The following LRRC8D variants were observed in gnomAD, a reference collection of about 807,000 sequenced individuals.
The protein encoded by LRRC8D is volume-regulated anion channel subunit LRRC8D.
In LRRC8D, 20 loss-of-function variants were observed where a neutral mutation model predicts 55.8. That is an observed-to-expected ratio of 0.36 (90% CI 0.25 to 0.52). LRRC8D has a LOEUF of 0.52. LRRC8D is among the 20% of genes least tolerant of loss of function. LRRC8D has a pLI of 0.93. For missense variants in LRRC8D, 651 were observed against 1,030.8 expected (o/e 0.63, Z 5.05); for synonymous variants, 352 against 377.0 (o/e 0.93, Z 0.77).
chr1:89,883,187 G>T (rs77769260), intron 2 of LRRC8D, among the ~76,000 whole-genome samples: 9 of 152,010 alleles, frequency 5.9e-5, no homozygotes, highest in Non-Finnish European at 1.2e-4. Flanking sequence ...GGGCAGCTTA[G>T]TGAGACCCCC....
rs371745481 is a variant in LRRC8D at position 89,826,392 on chromosome 1, G to A, written c.-148+5101G>A. On this transcript the variant is annotated intron_variant, in intron 1 of 2. Transcript: ENST00000337338. ...CCATTCTCCTGCCTCAGCCTCCCGA[G>A]TAGCTGGGACTACAGGCACCCGCCA... Among the ~76,000 whole-genome samples, 22 of 152,022 alleles carry A rather than the reference G, an allele frequency of 1.4e-4. No individual in the cohort carries two copies. In the East Asian group the frequency reaches 2.7e-3, roughly 19 times the overall value.
At chr1:89,867,295 G>T (rs545612326) in intron 2 of LRRC8D, among the ~76,000 whole-genome samples, 135 of 152,132 alleles carry the variant, frequency 8.9e-4, no homozygotes, top group Non-Finnish European at 1.5e-3. Flanking sequence ...TTTTTGACTG[G>T]CTTCTCTCAT....
At chr1:89,917,466 C>G (rs765647972) in intron 2 of LRRC8D, among the ~76,000 whole-genome samples, 7 of 152,150 alleles carry the variant, frequency 4.6e-5, no homozygotes, top group African/African-American at 1.4e-4. Context: ...TGCTTCTAAG[C>G]ATCATCTCAC....
At chr1:89,843,568 G>A in intron 1 of LRRC8D, 70 bp from the exon 2 acceptor site, 1 of 693,730 alleles carries the variant, frequency 1.4e-6, no homozygotes, top group South Asian at 1.5e-5. Flanking sequence ...CCGCCGCCCT[G>A]CACTCCTTCC....
intron 2 of LRRC8D, among the ~76,000 whole-genome samples, chr1:89,930,486 C>G (rs746106467): frequency 6.6e-6 from 1 of 152,114 alleles, no homozygotes; most frequent in Non-Finnish European, 1.5e-5. Flanking sequence ...GCCACCATCT[C>G]GTATCTTATG....
chr1:89,872,161 C>T (rs551034515), intron 2 of LRRC8D, among the ~76,000 whole-genome samples: 107 of 152,312 alleles, frequency 7.0e-4, no homozygotes, highest in Middle Eastern at 6.8e-3. Context: ...ATAGTTTAAA[C>T]GTAAATTATT....
intron 2 of LRRC8D, among the ~76,000 whole-genome samples, chr1:89,896,738 T>C (rs1662723639): frequency 6.6e-6 from 1 of 152,210 alleles, no homozygotes; most frequent in Non-Finnish European, 1.5e-5. Context: ...AATTACTCTT[T>C]CTTTCTCCCT....
intron 2 of LRRC8D, among the ~76,000 whole-genome samples, chr1:89,906,555 C>T (rs1204601712): frequency 6.6e-6 from 1 of 152,148 alleles, no homozygotes; most frequent in Non-Finnish European, 1.5e-5. Context: ...TGTGACTGGC[C>T]AGGTTGCTGC....
chr1:89,922,833 G>C (rs1348546515), intron 2 of LRRC8D, among the ~76,000 whole-genome samples: 1 of 152,116 alleles, frequency 6.6e-6, no homozygotes, highest in East Asian at 1.9e-4. Context: ...ATAAACAAAG[G>C]TTGAGATCTG....
intron 2 of LRRC8D, among the ~76,000 whole-genome samples, chr1:89,877,208 A>G (rs2100838268): frequency 6.6e-6 from 1 of 152,042 alleles, no homozygotes; most frequent in Admixed American, 6.5e-5. Flanking sequence ...AAGAAACTTC[A>G]AACAGTTCTT....
chr1:89,871,941 T>C (rs1455257869), intron 2 of LRRC8D, among the ~76,000 whole-genome samples: 1 of 152,228 alleles, frequency 6.6e-6, no homozygotes, highest in Non-Finnish European at 1.5e-5. Context: ...ACTTTTACTT[T>C]TGGGCACTTA....
At chr1:89,917,339 A>G (rs932356642) in intron 2 of LRRC8D, among the ~76,000 whole-genome samples, 6 of 152,140 alleles carry the variant, frequency 3.9e-5, no homozygotes, top group African/African-American at 1.4e-4. Flanking sequence ...ACTAATCTGT[A>G]TGCTAAGCCC....
chr1:89,875,520 G>C (rs183920934), intron 2 of LRRC8D, among the ~76,000 whole-genome samples: 5 of 152,266 alleles, frequency 3.3e-5, no homozygotes, highest in Admixed American at 2.6e-4. Context: ...CCTTTAATAA[G>C]TGCTAATAAC....
chr1:89,917,948 C>T (rs1663315578), intron 2 of LRRC8D, among the ~76,000 whole-genome samples: 1 of 152,178 alleles, frequency 6.6e-6, no homozygotes, highest in Non-Finnish European at 1.5e-5. Flanking sequence ...TTTCTTTCCC[C>T]TACACTATGC....
chr1:89,836,184 T>C (rs1023880265), intron 1 of LRRC8D, among the ~76,000 whole-genome samples: 2 of 152,214 alleles, frequency 1.3e-5, no homozygotes, highest in African/African-American at 2.4e-5. Context: ...CATTTTTTTT[T>C]CAAATGTTTC....
chr1:89,859,481 G>C (rs2100789539), intron 2 of LRRC8D, among the ~76,000 whole-genome samples: 1 of 152,232 alleles, frequency 6.6e-6, no homozygotes, highest in East Asian at 1.9e-4. Flanking sequence ...TGTTCCTCAG[G>C]TATAGCTGTG....
intron 2 of LRRC8D, among the ~76,000 whole-genome samples, chr1:89,912,777 T>C (rs1663167979): frequency 6.6e-6 from 1 of 152,334 alleles, no homozygotes; most frequent in East Asian, 1.9e-4. Context: ...CTATTTTATG[T>C]TTATACTTCC....
chr1:89,889,455 A>G (rs1662505811), intron 2 of LRRC8D, among the ~76,000 whole-genome samples: 1 of 152,078 alleles, frequency 6.6e-6, no homozygotes. Context: ...AGTGGATAAT[A>G]TATTTTTATT....
intron 2 of LRRC8D, among the ~76,000 whole-genome samples, chr1:89,885,166 C>T (rs573645644): frequency 2.9e-4 from 44 of 152,342 alleles, no homozygotes; most frequent in Non-Finnish European, 5.0e-4. Flanking sequence ...CCTCTGAAAT[C>T]TGGCAAAATC....
Sources: gnomAD v4.1 joint callset for allele counts (sites outside exome capture counted in the v4.1 genomes callset) on GRCh38, gnomAD v4.1.1 for gene constraint, MANE v1.5 for transcripts, NCBI Gene and HGNC (gene_info 2026-07-23, HGNC 2026-07-21) for gene names.